TAF3: variants seen among roughly 807,000 people sequenced by gnomAD.
TAF3 encodes transcription initiation factor TFIID subunit 3.
TAF3 carries 7 observed loss-of-function variants against 80.6 expected under a neutral mutation model. That is an observed-to-expected ratio of 0.09 (90% CI 0.05 to 0.16). The LOEUF (loss-of-function observed/expected upper bound fraction) is 0.16. TAF3 is among the 10% of genes least tolerant of loss of function. The probability of loss-of-function intolerance (pLI) is 1.00; values close to 1 mark genes in which losing one functional copy is unlikely to be tolerated. For synonymous variants in TAF3, 444 were observed against 446.1 expected (o/e 1.00, Z 0.06); for missense variants, 921 against 1,140.2 (o/e 0.81, Z 2.77).
At chr10:7,915,427 G>A (rs1373604639) in intron 2 of TAF3, among the ~76,000 whole-genome samples, 2 of 144,254 alleles carry the variant, frequency 1.4e-5, no homozygotes, top group East Asian at 4.4e-4. Flanking sequence ...GGTGGATCAC[G>A]AGGTCAGGAG....
chr10:7,874,900 A>G (rs1176684407), intron 2 of TAF3, among the ~76,000 whole-genome samples: 2 of 152,088 alleles, frequency 1.3e-5, no homozygotes, highest in East Asian at 1.9e-4. Context: ...TTCCTTCTTC[A>G]GTACAGCCAT....
intron 4 of TAF3, among the ~76,000 whole-genome samples, chr10:7,988,572 C>CAAAAAAAAA (rs58825999): frequency 0.019 from 949 of 49,202 alleles, 102 homozygotes; most frequent in Non-Finnish European, 0.028. Context: ...GACCCTGTCT[C>CAAAAAAAAA]AAAAAAAAAA....
chr10:7,848,374 TGGTAAA>T (rs1836992964), intron 2 of TAF3, among the ~76,000 whole-genome samples: 1 of 152,206 alleles, frequency 6.6e-6, no homozygotes, highest in African/African-American at 2.4e-5. Flanking sequence ...CCCAATGCCA[TGGTAAA>T]GGAGAAAAAC....
Position 7,959,161 on chromosome 10 carries a change from C to A in TAF3, c.410-4759C>A, listed in dbSNP as rs868180302. 5.1e-4 allele frequency among the ~76,000 whole-genome samples: 70 copies of A among 136,802 alleles called. 1 individual carries two copies. The highest frequency in any genetic ancestry group is 1.7e-3 in the African/African-American group (68 of 39,286). The allele number at this position is 136,802 out of a possible 152,430, so 89.7% of individuals were successfully genotyped here. Reference sequence around the variant, plus strand: ...TCTCACACACACACACACACACACACACAAAAAAAGTTTCAGGCTTTTTTT... The same window carrying A: ...TCTCACACACACACACACACACACAAACAAAAAAAGTTTCAGGCTTTTTTT... On this transcript the variant is annotated intron_variant, in intron 2 of 6. Coordinates refer to ENST00000344293, the MANE Select transcript of TAF3 (RefSeq NM_031923.4).
rs572228601 is a variant in TAF3, at chr10:7,923,304, T to C, written c.410-40616T>C. Among the ~76,000 whole-genome samples, 12 of 152,218 alleles carry C rather than the reference T, an allele frequency of 7.9e-5. 1 individual carries two copies. In the South Asian group the frequency reaches 2.5e-3, roughly 32 times the overall value. On this transcript the variant is annotated intron_variant, in intron 2 of 6. Transcript: ENST00000344293. ...CAGGGTGTCAGATGTAATTTAAAAT[T>C]GCTTTGTTTCACATCTGAAATAATA...
intron 2 of TAF3, among the ~76,000 whole-genome samples, chr10:7,829,333 T>G (rs1836775257): frequency 1.3e-5 from 2 of 152,214 alleles, no homozygotes; most frequent in Non-Finnish European, 2.9e-5. Flanking sequence ...TATTATTAAG[T>G]GACGCCCGCA....
intron 2 of TAF3, among the ~76,000 whole-genome samples, chr10:7,832,667 A>T (rs923992704): frequency 6.6e-6 from 1 of 151,810 alleles, no homozygotes; most frequent in African/African-American, 2.4e-5. Context: ...CTTGTGCCCC[A>T]CCCTCCCCAG....
intron 2 of TAF3, among the ~76,000 whole-genome samples, chr10:7,860,267 C>A (rs1456451430): frequency 6.7e-6 from 1 of 149,776 alleles, no homozygotes; most frequent in African/African-American, 2.5e-5. Context: ...CAGAGCCAGA[C>A]CCTGTCTGGA....
intron 2 of TAF3, among the ~76,000 whole-genome samples, chr10:7,936,153 G>T (rs1198332848): frequency 2.6e-5 from 4 of 152,180 alleles, no homozygotes; most frequent in Non-Finnish European, 5.9e-5. Context: ...AGGAAGACGG[G>T]CCCTGAAGAC....
At chr10:7,818,989 C>T (rs1010814139) in intron 1 of TAF3, 114 bp downstream of exon 1, 2 of 1,098,926 alleles carry the variant, frequency 1.8e-6, no homozygotes, top group Non-Finnish European at 2.4e-6. Context: ...GCCTCGAGAT[C>T]TGCTGTTTCC....
chr10:7,850,167 T>C (rs1837013667), intron 2 of TAF3, among the ~76,000 whole-genome samples: 2 of 152,186 alleles, frequency 1.3e-5, no homozygotes, highest in African/African-American at 4.8e-5. Flanking sequence ...TATTTTCTAT[T>C]CTTAGTGATG....
intron 2 of TAF3, among the ~76,000 whole-genome samples, chr10:7,903,214 C>CT (rs1188545351): frequency 6.6e-6 from 1 of 152,176 alleles, no homozygotes; most frequent in East Asian, 1.9e-4. Context: ...GAGCAAGACT[C>CT]TATCTCACAA....
intron 2 of TAF3, among the ~76,000 whole-genome samples, chr10:7,869,215 C>T (rs1204892035): frequency 2.0e-5 from 3 of 151,998 alleles, no homozygotes; most frequent in Non-Finnish European, 2.9e-5. Context: ...CACATATAAT[C>T]CCATGAAGAA....
rs181644007 is a variant in TAF3, at chr10:7,904,710, T to G, written c.410-59210T>G. Among the ~76,000 whole-genome samples, 3 of 152,156 alleles carry G rather than the reference T, an allele frequency of 2.0e-5. No homozygotes were observed. In the South Asian group the frequency reaches 6.2e-4, roughly 32 times the overall value. On this transcript the variant is annotated intron_variant, in intron 2 of 6. Coordinates refer to ENST00000344293, the MANE Select transcript of TAF3 (RefSeq NM_031923.4). ...AGGTGGGTGGGCTGGAACTGTGTAGTGTGCACAGCGTTGGCTTTCATGATA... is the reference window on the plus strand; with the variant it reads ...AGGTGGGTGGGCTGGAACTGTGTAGGGTGCACAGCGTTGGCTTTCATGATA...
At chr10:7,882,488 A>G (rs1387695643) in intron 2 of TAF3, among the ~76,000 whole-genome samples, 1 of 152,230 alleles carries the variant, frequency 6.6e-6, no homozygotes, top group Non-Finnish European at 1.5e-5. Context: ...AAAAAAAAGA[A>G]TGTGTTACAA....
chr10:7,974,173 A>C (rs868413121), intron 3 of TAF3, among the ~76,000 whole-genome samples: 25 of 106,110 alleles, frequency 2.4e-4, no homozygotes, highest in South Asian at 6.8e-4. Context: ...CACACACACA[A>C]ACACACACAC....
At chr10:7,936,518 A>G (rs1374266635) in intron 2 of TAF3, among the ~76,000 whole-genome samples, 3 of 150,640 alleles carry the variant, frequency 2.0e-5, no homozygotes, top group African/African-American at 7.3e-5. Context: ...TTTTCTTAAT[A>G]GACTTTATTA....
At chr10:7,937,784 C>G (rs532552243) in intron 2 of TAF3, among the ~76,000 whole-genome samples, 2 of 152,330 alleles carry the variant, frequency 1.3e-5, no homozygotes, top group South Asian at 4.1e-4. Context: ...GTGCTCAGCA[C>G]TCTTACATGC....
intron 3 of TAF3, among the ~76,000 whole-genome samples, chr10:7,976,242 C>CT (rs946240358): frequency 6.7e-6 from 1 of 150,374 alleles, no homozygotes; most frequent in Non-Finnish European, 1.5e-5. Flanking sequence ...CGTTTTCTTT[C>CT]TTTTTTCTTT....
Sources: allele counts gnomAD v4.1 joint callset (sites outside exome capture counted in the v4.1 genomes callset), GRCh38; gene constraint gnomAD v4.1.1; transcripts MANE v1.5; gene names NCBI Gene and HGNC (gene_info 2026-07-23, HGNC 2026-07-21).